The following SURF1 variants were observed in gnomAD, a reference collection of about 807,000 sequenced individuals.
The protein encoded by SURF1 is surfeit locus protein 1.
SURF1 carries 45 observed loss-of-function variants against 34.1 expected under a neutral mutation model. That is an observed-to-expected ratio of 1.32 (90% CI 1.04 to 1.69). SURF1 has a LOEUF of 1.69. Ranked by LOEUF, SURF1 falls within the 40% of genes most tolerant of loss-of-function variation. The pLI, the probability that SURF1 is intolerant of heterozygous loss-of-function variation, is 0.00. For missense variants in SURF1, 456 were observed against 384.6 expected, an observed-to-expected ratio of 1.19 and a Z score of -1.55; for synonymous variants, 188 against 147.5, an observed-to-expected ratio of 1.27 and a Z score of -1.99.
chr9:133,352,380 G>C, intron 7 of SURF1, 66 bp downstream of exon 7: 2 of 1,611,298 alleles, frequency 1.2e-6, no homozygotes, highest in Admixed American at 1.7e-5. Context: ...TGGGCAATGA[G>C]GGTTAGGAGG....
In SURF1 at chr9:133,356,097, G is replaced by C. The variant is rs1227057092; in HGVS notation, c.106+172C>G. On this transcript the variant is annotated intron_variant, in intron 2 of 8. Coordinates refer to ENST00000371974, the MANE Select transcript of SURF1 (RefSeq NM_003172.4). The stretch of plus-strand genomic sequence containing the variant: ...AGCGCTCGCTACATGCCCGGCACAC[G>C]ACCACAATTCCACTGAAAGCATTTT... 5.5e-6 allele frequency: 5 copies of C among 902,830 alleles called. No individual in the cohort carries two copies. The South Asian group carries it at 5.8e-5, about 10-fold the overall frequency. The allele number at this position is 902,830 out of a possible 1,614,324, so 55.9% of individuals were successfully genotyped here. A position where few individuals can be genotyped will look rare whatever the true frequency, so the allele number is the denominator to read the frequency against.
In SURF1 at chr9:133,354,892, C is replaced by A. The variant is rs2130019527; in HGVS notation, c.172G>T (p.Asp58Tyr). The change falls in exon 3 of 9, where the codon GAT (aspartate) becomes TAT (tyrosine). Residue 58 changes from aspartate (D) to tyrosine (Y), a missense_variant. Asp to Tyr is a radical substitution (Grantham distance 160). Transcript: ENST00000371974. ...AGGACCCACTGAAGAAAGGAGTCAT[C>A]TTCCGCTTTTGTGGCAGATGCTTCT... Reference protein sequence around the residue: ...AAEASATKAEDDSFLQWVLLL... With the variant: ...AAEASATKAEYDSFLQWVLLL... 1.9e-6 allele frequency: 3 copies of A among 1,614,044 alleles called. No individual in the cohort carries two copies. The South Asian group carries it at 3.3e-5, about 18-fold the overall frequency.
At chr9:133,353,167 C>A (rs1018163019) in intron 5 of SURF1, among the ~76,000 whole-genome samples, 1 of 152,232 alleles carries the variant, frequency 6.6e-6, no homozygotes, top group Non-Finnish European at 1.5e-5. Flanking sequence ...AGCCCTGGCA[C>A]CCCAGCCTGC....
At chr9:133,352,305 T>C (rs1187914283) in intron 7 of SURF1, 141 bp downstream of exon 7, 2 of 1,452,972 alleles carry the variant, frequency 1.4e-6, no homozygotes, top group African/African-American at 2.8e-5. Flanking sequence ...CTAGGTTCTT[T>C]GCTGAGTTGC....
At position 133,354,879 on chromosome 9, in the gene SURF1, A is replaced by C. The variant is rs2130019431; in HGVS notation, c.185T>G (p.Leu62Arg). ...AGGGATGAGGAGCAGGACCCACTGA[A>C]GAAAGGAGTCATCTTCCGCTTTTGT... ...SATKAEDDSF[L>R]QWVLLLIPVT... The change falls in exon 3 of 9, where the codon CTT (leucine) becomes CGT (arginine). Residue 62 changes from leucine (L) to arginine (R), a missense_variant. Leu to Arg is a moderately radical substitution (Grantham distance 102, BLOSUM62 -2). Transcript: ENST00000371974. 37 of 1,613,938 alleles carry C rather than the reference A, an allele frequency of 2.3e-5. No homozygotes were observed. Among genetic ancestry groups the C allele is most frequent in the Non-Finnish European group, 3.0e-5 (35 of 1,180,038 alleles).
rs2130008577 is a variant in SURF1 at position 133,352,622 on chromosome 9, T to A, written c.589-14A>T. On this transcript the variant is annotated splice_polypyrimidine_tract_variant and intron_variant, in intron 6 of 8. Transcript: ENST00000371974. ...TTCTCCCTCAATCTATAAAGGAAGG[T>A]GTGTGAGATTGCATGGAGCCTGGTG... 6.2e-7 allele frequency: 1 copy of A among 1,614,030 alleles called. No homozygotes were observed. Among genetic ancestry groups the A allele is most frequent in the Admixed American group, 1.7e-5 (1 of 60,012 alleles).
At position 133,356,446 on chromosome 9, in the gene SURF1, G is replaced by A. The variant is rs2130026918; in HGVS notation, c.8C>T (p.Ala3Val). 78 of 1,417,330 alleles carry A rather than the reference G, an allele frequency of 5.5e-5. No individual in the cohort carries two copies. The highest frequency in any genetic ancestry group is 6.3e-5 in the Non-Finnish European group (69 of 1,087,626). 87.8% of individuals were successfully genotyped at this position (1,417,330 alleles called of 1,614,324 possible). Residue 3 changes from alanine (A) to valine (V), a missense_variant, in exon 1 of 9, where the codon GCG (alanine) becomes GTG (valine). Transcript: ENST00000371974. ...CAGCCCCAGCTGCAACGCAGCCACC[G>A]CCGCCATCGCACCCGGCCCCGCGGG... MA[A>V]VAALQLGLRA...
chr9:133,352,322 C>A (rs888116150), intron 7 of SURF1, 124 bp downstream of exon 7: 8 of 1,532,216 alleles, frequency 5.2e-6, no homozygotes, highest in Middle Eastern at 1.9e-4. Flanking sequence ...TTGCTGCCTC[C>A]TCCCACCCGC....
In SURF1 at chr9:133,352,612, T is replaced by C. The variant is rs2119081254; in HGVS notation, c.589-4A>G. 1.2e-6 allele frequency: 2 copies of C among 1,614,146 alleles called. No individual in the cohort carries two copies. Among genetic ancestry groups the C allele is most frequent in the Non-Finnish European group, 1.7e-6 (2 of 1,180,008 alleles). ...TGAGGTCCACTTCTCCCTCAATCTA[T>C]AAAGGAAGGTGTGTGAGATTGCATG... On this transcript the variant is annotated splice_polypyrimidine_tract_variant and splice_region_variant and intron_variant, in intron 6 of 8. Coordinates refer to ENST00000371974, the MANE Select transcript of SURF1 (RefSeq NM_003172.4).
chr9:133,356,192 A>C (rs1318688496), intron 2 of SURF1, 77 bp downstream of exon 2: 1 of 1,509,554 alleles, frequency 6.6e-7, no homozygotes, highest in African/African-American at 1.4e-5. Flanking sequence ...TCCCCACGAC[A>C]ACCCTTCAAA....
Position 133,351,793 on chromosome 9 carries a change from C to T in SURF1, c.*120G>A. On this transcript the variant is annotated 3_prime_UTR_variant, in exon 9 of 9. Transcript: ENST00000371974. ...AACCAAGCCAGGATTTTATGATGAA[C>T]CAGTCATGAGCTCATTTAAGGTAGA... The T allele has an allele frequency of 2.6e-6, 3 of 1,142,064 alleles. No individual in the cohort carries two copies. Among genetic ancestry groups the T allele is most frequent in the South Asian group, 1.3e-5 (1 of 75,902 alleles). The allele number at this position is 1,142,064 out of a possible 1,614,324, so 70.7% of individuals were successfully genotyped here. A position where few individuals can be genotyped will look rare whatever the true frequency, so the allele number is the denominator to read the frequency against.
chr9:133,356,163 G>A (rs1241683052), intron 2 of SURF1, 106 bp downstream of exon 2: 8 of 1,410,722 alleles, frequency 5.7e-6, no homozygotes, highest in Admixed American at 2.0e-5. Context: ...CCGCTCAGCC[G>A]GCAGTTGGTT....
chr9:133,355,723 T>C (rs1220549216), intron 2 of SURF1, among the ~76,000 whole-genome samples: 1 of 152,050 alleles, frequency 6.6e-6, no homozygotes, highest in Middle Eastern at 3.2e-3. Flanking sequence ...ATCGTAAATG[T>C]AAAGAGGGAA....
chr9:133,352,761 G>A lies in SURF1; in HGVS notation c.521C>T (p.Thr174Ile), dbSNP rs1383003525. Residue 174 changes from threonine (T) to isoleucine (I), a missense_variant, in exon 6 of 9, where the codon ACC (threonine) becomes ATC (isoleucine). Physicochemically the swap from Thr to Ile is moderately conservative, Grantham distance 89. Transcript: ENST00000371974. ...TPFHCTDLGV[T>I]ILVNRGFVPR... ...AACGAACCCTCTATTTACCAGGATG[G>A]TGACTCTAGGGTAATGAAAGTGCTA... 1 of 1,610,520 alleles carries A rather than the reference G, an allele frequency of 6.2e-7. No individual in the cohort carries two copies. The highest frequency in any genetic ancestry group is 1.7e-5 in the Admixed American group (1 of 59,688).
At chr9:133,355,333 C>A (rs2130021384) in intron 2 of SURF1, among the ~76,000 whole-genome samples, 27 of 152,376 alleles carry the variant, frequency 1.8e-4, no homozygotes, top group Admixed American at 5.2e-4. Context: ...GTAATCCCAG[C>A]ACTTTGGGAG....
At chr9:133,355,017 G>C in intron 2 of SURF1, 60 bp from the exon 3 acceptor site, 1 of 1,605,010 alleles carries the variant, frequency 6.2e-7, no homozygotes, top group South Asian at 1.1e-5. Context: ...ACCTGGAGCA[G>C]CCCGTTCCAA....
At chr9:133,354,638 G>C in intron 4 of SURF1, 21 bp downstream of exon 4, 1 of 1,611,772 alleles carries the variant, frequency 6.2e-7, no homozygotes, top group South Asian at 1.1e-5. Context: ...ACAGGCCCTA[G>C]GGGGGCAGCC....
chr9:133,352,371 G>A (rs148513049), intron 7 of SURF1, 75 bp downstream of exon 7: 211 of 1,603,322 alleles, frequency 1.3e-4, no homozygotes, highest in African/African-American at 1.3e-3. Context: ...AGTAGTGACT[G>A]GGCAATGAGG....
rs1221093872 is a variant in SURF1, at chr9:133,356,255, C to T, written c.106+14G>A. ...CCCAGGCGCCTGGATCACAGCCCGG[C>T]CTGCAGCCCTCACCTGGGCGCGGGG... On this transcript the variant is annotated intron_variant, in intron 2 of 8. Transcript: ENST00000371974. 1 of 1,533,602 alleles carries T rather than the reference C, an allele frequency of 6.5e-7. No homozygotes were observed. The highest frequency in any genetic ancestry group is 2.4e-5 in the East Asian group (1 of 40,846). 95.0% of individuals were successfully genotyped at this position (1,533,602 alleles called of 1,614,324 possible).
Sources: allele counts gnomAD v4.1 joint callset (sites outside exome capture counted in the v4.1 genomes callset), GRCh38; gene constraint gnomAD v4.1.1; transcripts MANE v1.5; gene names NCBI Gene and HGNC (gene_info 2026-07-23, HGNC 2026-07-21).